MLPH: variants seen among roughly 807,000 people sequenced by gnomAD.
MLPH encodes exophilin-3.
In MLPH, 51 loss-of-function variants were observed where a neutral mutation model predicts 72.1. That is an observed-to-expected ratio of 0.71 (90% CI 0.56 to 0.89). The LOEUF (loss-of-function observed/expected upper bound fraction) is 0.89, where lower values mean the gene tolerates loss of function less well. MLPH is among the 40% of genes least tolerant of loss of function. The pLI is 0.00. For synonymous variants in MLPH, 301 were observed against 310.1 expected (o/e 0.97, Z 0.31); for missense variants, 743 against 759.9 (o/e 0.98, Z 0.26).
chr2:237,528,596 C>G (rs1411813132), intron 8 of MLPH, among the ~76,000 whole-genome samples: 1 of 152,066 alleles, frequency 6.6e-6, no homozygotes, highest in Non-Finnish European at 1.5e-5. Context: ...GGTGATCCCC[C>G]CACCTTGGCC....
At chr2:237,526,135 G>A (rs1266634520) in intron 7 of MLPH, among the ~76,000 whole-genome samples, 1 of 152,168 alleles carries the variant, frequency 6.6e-6, no homozygotes, top group Non-Finnish European at 1.5e-5. Context: ...ATCCTGGTCT[G>A]GGCAGGATGG....
At chr2:237,519,808 C>T (rs1010865896) in intron 5 of MLPH, 102 bp from the exon 6 acceptor site, 4 of 1,555,112 alleles carry the variant, frequency 2.6e-6, no homozygotes, top group Non-Finnish European at 3.5e-6. Context: ...CCTGCCCCGC[C>T]CCTCTGGGGG....
intron 1 of MLPH, among the ~76,000 whole-genome samples, chr2:237,488,312 A>C (rs2079360284): frequency 6.6e-6 from 1 of 152,176 alleles, no homozygotes; most frequent in Admixed American, 6.5e-5. Context: ...CTGGACTTGC[A>C]GACCGCGTTG....
chr2:237,538,564 G>A (rs1303648876), intron 9 of MLPH, among the ~76,000 whole-genome samples: 2 of 152,224 alleles, frequency 1.3e-5, no homozygotes, highest in East Asian at 3.9e-4. Context: ...GTCACTGTCA[G>A]GCATCAGTGT....
At chr2:237,546,370 T>G in intron 12 of MLPH, 1 of 561,570 alleles carries the variant, frequency 1.8e-6, no homozygotes, top group Non-Finnish European at 3.2e-6. Context: ...AGATTTGTTT[T>G]CTTTTCACAA....
At chr2:237,504,238 T>G (rs1291949613) in intron 2 of MLPH, among the ~76,000 whole-genome samples, 6 of 152,056 alleles carry the variant, frequency 3.9e-5, no homozygotes, top group Non-Finnish European at 8.8e-5. Context: ...TTTTTTGAGG[T>G]GGAGTTTTGC....
chr2:237,527,284 T>C, intron 7 of MLPH, 93 bp from the exon 8 acceptor site: 1 of 1,523,442 alleles, frequency 6.6e-7, no homozygotes, highest in Non-Finnish European at 9.1e-7. Flanking sequence ...GTCTTCATTT[T>C]CTTTGAGCCT....
chr2:237,524,837 C>G (rs947762931), intron 6 of MLPH, among the ~76,000 whole-genome samples: 1 of 152,228 alleles, frequency 6.6e-6, no homozygotes, highest in South Asian at 2.1e-4. Flanking sequence ...CCCCTGGGCA[C>G]AGGCAGTGCT....
chr2:237,516,991 A>AGGTG (rs2080044774), intron 4 of MLPH, among the ~76,000 whole-genome samples: 1 of 121,544 alleles, frequency 8.2e-6, no homozygotes, highest in African/African-American at 3.4e-5. Flanking sequence ...CTAAGGTGGT[A>AGGTG]GGTGAGTGGA....
intron 6 of MLPH, among the ~76,000 whole-genome samples, chr2:237,524,358 G>A (rs2080257211): frequency 6.9e-6 from 1 of 145,888 alleles, no homozygotes. Context: ...ACACGATCAC[G>A]AGTCCCACGA....
rs1370134454 is a variant in MLPH, at chr2:237,505,557, C to G, written c.111-5017C>G. ...CTGTGCCTTCAGGGGTGGCCACCAG[C>G]CCCGCCATCCTGGGCTCTCCCCAGT... On this transcript the variant is annotated intron_variant, in intron 2 of 15. Coordinates refer to ENST00000264605, the MANE Select transcript of MLPH (RefSeq NM_024101.7). This position sits in a 1 kb window ranked among gnomAD's most constrained non-coding sequence, Gnocchi z 4.5. Among the ~76,000 whole-genome samples the G allele has an allele frequency of 6.6e-6, 1 of 152,198 alleles. No individual in the cohort carries two copies. The highest frequency in any genetic ancestry group is 2.4e-5 in the African/African-American group (1 of 41,436).
intron 9 of MLPH, among the ~76,000 whole-genome samples, 166 bp from the exon 10 acceptor site, chr2:237,540,182 G>T (rs1487865576): frequency 6.6e-6 from 1 of 152,244 alleles, no homozygotes; most frequent in Admixed American, 6.5e-5. Flanking sequence ...TCTGGGACTG[G>T]GCCCCAGAGG....
intron 15 of MLPH, 134 bp downstream of exon 15, chr2:237,552,571 A>G: frequency 1.3e-6 from 1 of 750,076 alleles, no homozygotes; most frequent in East Asian, 2.7e-5. Flanking sequence ...GAATCAAAGC[A>G]AAAAGTAAAG....
Position 237,552,337 on chromosome 2 carries a change from G to A in MLPH, c.1676G>A (p.Gly559Asp), listed in dbSNP as rs2081055823. Residue 559 changes from glycine to aspartate, a missense_variant and splice_region_variant, in exon 15 of 16, where the codon GGT (glycine) becomes GAT (aspartate). Transcript: ENST00000264605. The part of the protein sequence containing the change: ...RKFSNSLKSQ[G>D]KDDDSFDRKS... ...ATCCCTCTTCCTGTTTTCCCCAAAG[G>A]TAAAGATGATGATTCTTTTGATCGG... 1 of 1,613,908 alleles carries A rather than the reference G, an allele frequency of 6.2e-7. No homozygotes were observed. The highest frequency in any genetic ancestry group is 1.7e-5 in the Admixed American group (1 of 60,014).
In MLPH at chr2:237,540,461, G is replaced by A. The variant is rs1559370118; in HGVS notation, c.1218G>A (p.Glu406=). 4 of 1,612,654 alleles carry A rather than the reference G, an allele frequency of 2.5e-6. No homozygotes were observed. Among genetic ancestry groups the A allele is most frequent in the Non-Finnish European group, 2.5e-6 (3 of 1,179,324 alleles). ...ACCAGGAGACCTCGTCCGAGGAGGA[G>A]GAAGCCAAGGACGAAAAGGCAGAGC... ...VSDQETSSEE[E]EAKDEKAEPN... is the part of the protein sequence containing the mutation. Residue 406 remains glutamate, a synonymous_variant, in exon 10 of 16, where the codon GAG becomes GAA. Coordinates refer to ENST00000264605, the MANE Select transcript of MLPH (RefSeq NM_024101.7).
chr2:237,537,531 G>A (rs549120181), intron 9 of MLPH: 2 of 152,160 alleles, frequency 1.3e-5, no homozygotes. Flanking sequence ...TCCACCGAGG[G>A]CCTCTGTGAT....
Position 237,544,433 on chromosome 2 carries a change from A to G in MLPH, c.1539+1774A>G, listed in dbSNP as rs1301706327. On this transcript the variant is annotated intron_variant, in intron 12 of 15. Transcript: ENST00000264605. ...GTGGTGAGTCGGGGGACAGTGGTGA[A>G]TGGGCACGGTAGTGAGTGGGGGGAC... Among the ~76,000 whole-genome samples, 43 of 31,990 alleles carry G rather than the reference A, an allele frequency of 1.3e-3. 1 individual carries two copies. Among genetic ancestry groups the G allele is most frequent in the Middle Eastern group, 0.024 (1 of 42 alleles). The allele number at this position is 31,990 out of a possible 152,430, so 21.0% of individuals were successfully genotyped here. A position where few individuals can be genotyped will look rare whatever the true frequency, so the allele number is the denominator to read the frequency against.
Position 237,525,705 on chromosome 2 carries a change from G to A in MLPH, c.780G>A (p.Glu260=). 6.2e-7 allele frequency: 1 copy of A among 1,614,176 alleles called. No individual in the cohort carries two copies. The change falls in exon 7 of 16, where the codon GAG becomes GAA. Residue 260 remains glutamate, a synonymous_variant. Transcript: ENST00000264605. ...GASGCHSHPE[E]QPTSISPSRH... ...CTGGGTGCCACTCCCATCCGGAAGA[G>A]CAGCCGACCAGCATCTCACCTTCCA... is the stretch of plus-strand genomic sequence containing the variant.
chr2:237,507,010 T>C (rs2079787264), intron 2 of MLPH, among the ~76,000 whole-genome samples: 1 of 151,836 alleles, frequency 6.6e-6, no homozygotes. Flanking sequence ...TGTTACAACA[T>C]GAAAACCCGG....
Sources: gnomAD v4.1 joint callset for allele counts (sites outside exome capture counted in the v4.1 genomes callset) on GRCh38, gnomAD v4.1.1 for gene constraint, Gnocchi (gnomAD v3.1) non-coding constraint, MANE v1.5 for transcripts, NCBI Gene and HGNC (gene_info 2026-07-23, HGNC 2026-07-21) for gene names.